PDGFD: variants seen among roughly 807,000 people sequenced by gnomAD.
PDGFD encodes platelet-derived growth factor D.
In PDGFD, 30 loss-of-function variants were observed where a neutral mutation model predicts 44.7. That is an observed-to-expected ratio of 0.67 (90% confidence interval 0.50 to 0.91). PDGFD has a LOEUF of 0.91. PDGFD is among the 40% of genes least tolerant of loss of function. The probability of loss-of-function intolerance (pLI) is 0.00; values close to 1 mark genes in which losing one functional copy is unlikely to be tolerated. For synonymous variants in PDGFD, 173 were observed against 168.4 expected (o/e 1.03, Z -0.21); for missense variants, 445 against 457.8 (o/e 0.97, Z 0.25).
At chr11:103,976,810 G>A (rs1859191956) in intron 3 of PDGFD, among the ~76,000 whole-genome samples, 1 of 151,920 alleles carries the variant, frequency 6.6e-6, no homozygotes, top group Non-Finnish European at 1.5e-5. Flanking sequence ...AAAATCATGT[G>A]GTTTTTTGTC....
In PDGFD at chr11:104,087,252, G is replaced by A. The variant is rs1311522295; in HGVS notation, c.124+76552C>T. Among the ~76,000 whole-genome samples the A allele has an allele frequency of 7.4e-5, 11 of 148,318 alleles. No individual in the cohort carries two copies. The East Asian group carries it at 2.2e-3, about 30-fold the overall frequency. On this transcript the variant is annotated intron_variant, in intron 1 of 6. Transcript: ENST00000393158. The stretch of plus-strand genomic sequence containing the variant: ...CTCTTGTCAACTAGGCTGAAGTGCA[G>A]TGGTGCAATCTCAGCTTACTGCAAC...
chr11:103,932,912 C>T (rs1055595472), intron 5 of PDGFD, among the ~76,000 whole-genome samples: 5 of 152,006 alleles, frequency 3.3e-5, no homozygotes, highest in African/African-American at 9.7e-5. Flanking sequence ...TGGTGTAGTG[C>T]GAAAGTGTTA....
chr11:104,088,123 AAT>A (rs1861160993), intron 1 of PDGFD, among the ~76,000 whole-genome samples: 1 of 152,190 alleles, frequency 6.6e-6, no homozygotes, highest in African/African-American at 2.4e-5. Flanking sequence ...ACTATACACA[AAT>A]GACTATAGTG....
At chr11:104,147,593 T>A (rs1862182118) in intron 1 of PDGFD, among the ~76,000 whole-genome samples, 2 of 152,152 alleles carry the variant, frequency 1.3e-5, no homozygotes, top group African/African-American at 4.8e-5. Flanking sequence ...AGGACTGAAA[T>A]TTTTTAATGC....
At chr11:103,998,412 G>A (rs986231260) in intron 2 of PDGFD, among the ~76,000 whole-genome samples, 7 of 152,106 alleles carry the variant, frequency 4.6e-5, no homozygotes, top group African/African-American at 1.7e-4. Context: ...AATCACCAAT[G>A]ATTTAATTAA....
At chr11:104,094,802 T>C (rs551536297) in intron 1 of PDGFD, among the ~76,000 whole-genome samples, 5 of 152,284 alleles carry the variant, frequency 3.3e-5, no homozygotes, top group African/African-American at 1.2e-4. Context: ...CCAACCCACA[T>C]TGCCAAGTAA....
intron 3 of PDGFD, among the ~76,000 whole-genome samples, chr11:103,961,820 C>T (rs1858940575): frequency 6.6e-6 from 1 of 152,124 alleles, no homozygotes; most frequent in African/African-American, 2.4e-5. Flanking sequence ...AGGAAACAGC[C>T]CCAAAGGGTT....
At chr11:103,971,131 A>G (rs1305226987) in intron 3 of PDGFD, among the ~76,000 whole-genome samples, 1 of 152,064 alleles carries the variant, frequency 6.6e-6, no homozygotes, top group Non-Finnish European at 1.5e-5. Context: ...TATTCTTTCA[A>G]TCATGTTTTG....
intron 1 of PDGFD, among the ~76,000 whole-genome samples, chr11:104,149,408 A>G (rs1002579572): frequency 6.6e-6 from 1 of 152,346 alleles, no homozygotes; most frequent in South Asian, 2.1e-4. Flanking sequence ...TGTGAGCTAT[A>G]CATACATTCA....
At chr11:104,067,727 T>C (rs1036958006) in intron 1 of PDGFD, among the ~76,000 whole-genome samples, 7 of 152,178 alleles carry the variant, frequency 4.6e-5, no homozygotes, top group African/African-American at 1.7e-4. Flanking sequence ...CATCTGCTCA[T>C]GCCCACGGTC....
chr11:104,123,129 C>T (rs1241929576), intron 1 of PDGFD, among the ~76,000 whole-genome samples: 1 of 151,940 alleles, frequency 6.6e-6, no homozygotes. Context: ...GAGAAATAAT[C>T]CACTTCTGTT....
intron 3 of PDGFD, 49 bp from the exon 4 acceptor site, chr11:103,947,773 C>A: frequency 3.0e-6 from 4 of 1,334,210 alleles, no homozygotes; most frequent in Admixed American, 1.7e-5. Flanking sequence ...CTGTTCAATT[C>A]ATTATGTGCA....
intron 1 of PDGFD, among the ~76,000 whole-genome samples, chr11:104,114,780 TTTG>T (rs1369506953): frequency 2.6e-5 from 4 of 152,036 alleles, no homozygotes; most frequent in African/African-American, 9.7e-5. Context: ...TCATCAGAGT[TTTG>T]TTGTTTTCCT....
chr11:104,054,735 C>T (rs1473492401), intron 1 of PDGFD, among the ~76,000 whole-genome samples: 2 of 152,088 alleles, frequency 1.3e-5, no homozygotes, highest in Non-Finnish European at 2.9e-5. Context: ...AAAGGGAAAA[C>T]GTTGGCTAGT....
At chr11:104,109,450 T>C (rs1371262473) in intron 1 of PDGFD, among the ~76,000 whole-genome samples, 1 of 152,160 alleles carries the variant, frequency 6.6e-6, no homozygotes, top group Non-Finnish European at 1.5e-5. Flanking sequence ...ATAAATGCTA[T>C]TGATGTATGC....
intron 1 of PDGFD, among the ~76,000 whole-genome samples, chr11:104,075,264 A>C (rs1860939987): frequency 6.6e-6 from 1 of 152,154 alleles, no homozygotes; most frequent in South Asian, 2.1e-4. Context: ...GTTATTGATG[A>C]ATTTGCAAAC....
At chr11:103,939,623 G>A (rs1858551166) in intron 5 of PDGFD, among the ~76,000 whole-genome samples, 1 of 152,046 alleles carries the variant, frequency 6.6e-6, no homozygotes, top group Admixed American at 6.6e-5. Flanking sequence ...AACTGCAGTG[G>A]TAATGCAGCA....
intron 3 of PDGFD, among the ~76,000 whole-genome samples, chr11:103,970,845 A>G (rs771698463): frequency 1.3e-5 from 2 of 152,174 alleles, no homozygotes; most frequent in Non-Finnish European, 2.9e-5. Context: ...TAGGCTCTGT[A>G]TCTACAAAGT....
At chr11:103,913,639 A>T (rs1858067264) in intron 6 of PDGFD, among the ~76,000 whole-genome samples, 1 of 152,220 alleles carries the variant, frequency 6.6e-6, no homozygotes, top group Non-Finnish European at 1.5e-5. Flanking sequence ...GAAGACAAGA[A>T]ATAACTAAGA....
Sources: allele counts gnomAD v4.1 joint callset (sites outside exome capture counted in the v4.1 genomes callset), GRCh38; gene constraint gnomAD v4.1.1; transcripts MANE v1.5; gene names NCBI Gene and HGNC (gene_info 2026-07-23, HGNC 2026-07-21).